Variants in RPAP2 observed in about 807,000 individuals in gnomAD.
The protein encoded by RPAP2 is RNA polymerase II associated protein 2, also known as putative RNA polymerase II subunit B1 CTD phosphatase RPAP2.
Under a neutral mutation model 73.1 loss-of-function variants are expected in RPAP2, and 52 were observed. That is an observed-to-expected ratio of 0.71 (90% CI 0.57 to 0.90). The LOEUF is 0.90. RPAP2 is among the 40% of genes least tolerant of loss of function. The probability of loss-of-function intolerance (pLI) is 0.00; values close to 1 mark genes in which losing one functional copy is unlikely to be tolerated. For missense variants in RPAP2, 598 were observed against 701.8 expected (o/e 0.85, Z 1.67); for synonymous variants, 225 against 242.1 (o/e 0.93, Z 0.65).
At chr1:92,325,494 C>T (rs1652574196) in intron 8 of RPAP2, among the ~76,000 whole-genome samples, 1 of 152,074 alleles carries the variant, frequency 6.6e-6, no homozygotes, top group South Asian at 2.1e-4. Context: ...CTTATTTTAT[C>T]ATTTTGTCCT....
At chr1:92,308,714 C>CTT (rs1238512436) in intron 6 of RPAP2, among the ~76,000 whole-genome samples, 1 of 152,182 alleles carries the variant, frequency 6.6e-6, no homozygotes, top group African/African-American at 2.4e-5. Context: ...AATCCCAACA[C>CTT]TTTGAGAAGC....
intron 11 of RPAP2, chr1:92,363,903 T>C (rs1007566620): frequency 2.4e-5 from 4 of 164,324 alleles, no homozygotes; most frequent in African/African-American, 9.6e-5. Context: ...ACATAAAATA[T>C]GTGTTAATCG....
At chr1:92,329,302 C>T (rs1652825053) in intron 8 of RPAP2, among the ~76,000 whole-genome samples, 2 of 152,020 alleles carry the variant, frequency 1.3e-5, no homozygotes, top group Non-Finnish European at 2.9e-5. Context: ...GATTCCCAGG[C>T]CAATGGAGTT....
At chr1:92,322,492 C>T (rs981932395) in intron 7 of RPAP2, among the ~76,000 whole-genome samples, 2 of 146,274 alleles carry the variant, frequency 1.4e-5, no homozygotes, top group African/African-American at 5.0e-5. Flanking sequence ...TGCAGTGAAC[C>T]GAGATCTTGC....
At chr1:92,322,877 A>G (rs1571056393) in intron 7 of RPAP2, among the ~76,000 whole-genome samples, 1 of 148,436 alleles carries the variant, frequency 6.7e-6, no homozygotes, top group East Asian at 1.9e-4. Flanking sequence ...TGTCTTAAAA[A>G]TATATATTTA....
rs1004226840 is a variant in RPAP2, at chr1:92,401,512, G to C, written c.*14501G>C. Reference sequence around the variant, plus strand: ...ATAAAGATTATTGTACTTGTTCTTTGCCAACCCATATGTCTTGCCTTACTG... The same window carrying C: ...ATAAAGATTATTGTACTTGTTCTTTCCCAACCCATATGTCTTGCCTTACTG... On this transcript the variant is annotated 3_prime_UTR_variant, in exon 13 of 13. Transcript: ENST00000610020. 5 of 152,044 alleles carry C rather than the reference G, an allele frequency of 3.3e-5. No individual in the cohort carries two copies. Among genetic ancestry groups the C allele is most frequent in the African/African-American group, 1.2e-4 (5 of 41,382 alleles). 9.4% of individuals were successfully genotyped at this position (152,044 alleles called of 1,614,324 possible). A position where few individuals can be genotyped will look rare whatever the true frequency, so the allele number is the denominator to read the frequency against.
chr1:92,341,425 C>T (rs1653587920), intron 10 of RPAP2, among the ~76,000 whole-genome samples: 1 of 152,032 alleles, frequency 6.6e-6, no homozygotes, highest in Non-Finnish European at 1.5e-5. Context: ...TATTTTGGCT[C>T]AACAATAGGA....
intron 3 of RPAP2, among the ~76,000 whole-genome samples, chr1:92,302,004 G>A (rs1377220474): frequency 6.6e-6 from 1 of 152,100 alleles, no homozygotes; most frequent in Admixed American, 6.5e-5. Context: ...AGCAAAAGAG[G>A]CCAGGCACAA....
intron 12 of RPAP2, among the ~76,000 whole-genome samples, chr1:92,382,471 G>A (rs1420787783): frequency 1.3e-5 from 2 of 152,068 alleles, no homozygotes; most frequent in African/African-American, 2.4e-5. Context: ...TCTAACTGGT[G>A]TGAGATGGTA....
chr1:92,342,122 C>T (rs542201933), intron 10 of RPAP2, among the ~76,000 whole-genome samples: 77 of 152,260 alleles, frequency 5.1e-4, no homozygotes, highest in African/African-American at 1.8e-3. Flanking sequence ...CAAAAATATG[C>T]CCTTTTCCTT....
At chr1:92,302,896 G>A (rs889559281) in intron 3 of RPAP2, among the ~76,000 whole-genome samples, 1 of 151,702 alleles carries the variant, frequency 6.6e-6, no homozygotes, top group Non-Finnish European at 1.5e-5. Context: ...CACTGCTCTC[G>A]GCCCGCATTA....
intron 4 of RPAP2, 70 bp downstream of exon 4, chr1:92,304,145 A>G: frequency 7.7e-7 from 1 of 1,304,076 alleles, no homozygotes; most frequent in Non-Finnish European, 1.1e-6. Flanking sequence ...TTGTTGTAAG[A>G]ATAAGAAATA....
chr1:92,322,724 A>C (rs1206009692), intron 7 of RPAP2, among the ~76,000 whole-genome samples: 1 of 151,254 alleles, frequency 6.6e-6, no homozygotes, highest in Non-Finnish European at 1.5e-5. Context: ...AAAAAATACA[A>C]AAATTAGCCA....
rs190204339 is a variant in RPAP2, at chr1:92,376,467, G to C, written c.1689-4257G>C. 6.8e-4 allele frequency among the ~76,000 whole-genome samples: 104 copies of C among 152,300 alleles called. 2 individuals are homozygous for C. Among genetic ancestry groups the C allele is most frequent in the Non-Finnish European group, 4.1e-4 (28 of 68,016 alleles). The stretch of plus-strand genomic sequence containing the variant: ...GAATATAATTATGCAGCAACAGTTA[G>C]GGGTCACGTGTTAAGAATAGTCAGG... On this transcript the variant is annotated intron_variant, in intron 11 of 12. Transcript: ENST00000610020.
intron 7 of RPAP2, among the ~76,000 whole-genome samples, chr1:92,322,008 C>T (rs533851720): frequency 1.8e-4 from 27 of 147,454 alleles, no homozygotes; most frequent in African/African-American, 4.7e-4. Context: ...TGCAGTGGCG[C>T]GATCTCGGCT....
intron 11 of RPAP2, among the ~76,000 whole-genome samples, chr1:92,353,151 A>G (rs1285779753): frequency 6.6e-6 from 1 of 152,198 alleles, no homozygotes; most frequent in Non-Finnish European, 1.5e-5. Flanking sequence ...TGCTATAAAC[A>G]TTCATGTACA....
intron 8 of RPAP2, among the ~76,000 whole-genome samples, chr1:92,328,553 T>A (rs1168398693): frequency 6.6e-6 from 1 of 152,216 alleles, no homozygotes; most frequent in Non-Finnish European, 1.5e-5. Flanking sequence ...TCATATCCTG[T>A]ATGATTTGTT....
chr1:92,392,237 A>G lies in RPAP2; in HGVS notation c.*5226A>G, dbSNP rs909009316. Reference sequence around the variant, plus strand: ...TGCAAGGCTGGTTCAACATATGCAAATCAATAAACATAATCCATCACATAA... The same window carrying G: ...TGCAAGGCTGGTTCAACATATGCAAGTCAATAAACATAATCCATCACATAA... On this transcript the variant is annotated 3_prime_UTR_variant, in exon 13 of 13. Coordinates refer to ENST00000610020, the MANE Select transcript of RPAP2 (RefSeq NM_024813.3). 2.0e-5 allele frequency: 3 copies of G among 152,234 alleles called. No individual in the cohort carries two copies. Among genetic ancestry groups the G allele is most frequent in the African/African-American group, 7.2e-5 (3 of 41,464 alleles). The allele number at this position is 152,234 out of a possible 1,614,324, so 9.4% of individuals were successfully genotyped here.
At chr1:92,335,358 T>C (rs951617801) in intron 9 of RPAP2, among the ~76,000 whole-genome samples, 1 of 152,204 alleles carries the variant, frequency 6.6e-6, no homozygotes, top group Non-Finnish European at 1.5e-5. Flanking sequence ...GTGTGAAACT[T>C]TTTATACTAT....
Sources: gnomAD v4.1 joint callset for allele counts (sites outside exome capture counted in the v4.1 genomes callset) on GRCh38, gnomAD v4.1.1 for gene constraint, MANE v1.5 for transcripts, NCBI Gene and HGNC (gene_info 2026-07-23, HGNC 2026-07-21) for gene names.